AKAP6: variants seen among roughly 807,000 people sequenced by gnomAD.
AKAP6 encodes A-kinase anchor protein 6.
In AKAP6, 58 loss-of-function variants were observed where a neutral mutation model predicts 188.5. The ratio of observed to expected loss-of-function variants is 0.31; its 90% CI spans 0.25 to 0.38. AKAP6 has a LOEUF of 0.38. Ranked by LOEUF, AKAP6 falls within the 10% of genes least tolerant of loss-of-function variation. AKAP6 has a pLI of 1.00. For missense variants in AKAP6, 2,710 were observed against 2,740.0 expected (o/e 0.99, Z 0.24); for synonymous variants, 989 against 998.6 (o/e 0.99, Z 0.18).
chr14:32,702,134 G>A (rs1890643480), intron 9 of AKAP6, among the ~76,000 whole-genome samples: 1 of 152,098 alleles, frequency 6.6e-6, no homozygotes. Context: ...TTTCCTGGTA[G>A]ATTAATTGTA....
intron 1 of AKAP6, among the ~76,000 whole-genome samples, chr14:32,369,398 T>C (rs1244333034): frequency 6.6e-6 from 1 of 152,236 alleles, no homozygotes; most frequent in African/African-American, 2.4e-5. Context: ...CTTGTCCACA[T>C]CTCAATCAAC....
intron 4 of AKAP6, among the ~76,000 whole-genome samples, chr14:32,565,561 C>G (rs1884147705): frequency 6.6e-6 from 1 of 152,210 alleles, no homozygotes; most frequent in African/African-American, 2.4e-5. Flanking sequence ...TTTTAACTGG[C>G]TTCTCTGCTC....
chr14:32,766,066 A>G (rs550684474), intron 11 of AKAP6, among the ~76,000 whole-genome samples: 1 of 152,196 alleles, frequency 6.6e-6, no homozygotes, highest in African/African-American at 2.4e-5. Context: ...TTCTGTTTCT[A>G]TGTATTTGCC....
intron 2 of AKAP6, among the ~76,000 whole-genome samples, chr14:32,480,702 A>C (rs747164651): frequency 3.3e-4 from 50 of 152,142 alleles, no homozygotes; most frequent in Middle Eastern, 3.2e-3. Flanking sequence ...TTGGTATGTA[A>C]AGTGATGCAA....
chr14:32,632,051 AT>A (rs1403678358), intron 7 of AKAP6, among the ~76,000 whole-genome samples: 2 of 151,882 alleles, frequency 1.3e-5, no homozygotes, highest in African/African-American at 4.8e-5. Flanking sequence ...GCTTATAAAC[AT>A]TTTTTGGTGT....
chr14:32,625,789 T>G (rs1383625250), intron 7 of AKAP6, among the ~76,000 whole-genome samples: 8 of 152,170 alleles, frequency 5.3e-5, no homozygotes, highest in Non-Finnish European at 1.2e-4. Context: ...TTTCTCTTTC[T>G]GCTCCTGGCG....
At chr14:32,816,619 T>C (rs1483256370) in intron 12 of AKAP6, among the ~76,000 whole-genome samples, 1 of 152,172 alleles carries the variant, frequency 6.6e-6, no homozygotes, top group Non-Finnish European at 1.5e-5. Flanking sequence ...AAGCAGAGTA[T>C]AGAATGTTGG....
At chr14:32,651,499 A>G (rs1331529509) in intron 7 of AKAP6, among the ~76,000 whole-genome samples, 1 of 152,154 alleles carries the variant, frequency 6.6e-6, no homozygotes, top group Non-Finnish European at 1.5e-5. Context: ...CACAGTCTGG[A>G]AGCTGGGAAG....
intron 11 of AKAP6, among the ~76,000 whole-genome samples, chr14:32,746,553 A>G (rs776519397): frequency 5.3e-5 from 8 of 152,196 alleles, no homozygotes; most frequent in Non-Finnish European, 1.0e-4. Flanking sequence ...GATGCAAGAC[A>G]GTCAGAGTGG....
In AKAP6 at chr14:32,348,981, C is replaced by A. The variant is rs576410701; in HGVS notation, c.-35+19573C>A. Among the ~76,000 whole-genome samples, 4 of 152,296 alleles carry A rather than the reference C, an allele frequency of 2.6e-5. No homozygotes were observed. The South Asian group carries it at 8.3e-4, about 32-fold the overall frequency. ...GTGGGATTCCCGGCAGCCCCTCTAA[C>A]CAGACAGAGTGCTTGAGGTAGAGGC... On this transcript the variant is annotated intron_variant, in intron 1 of 13. Coordinates refer to ENST00000280979, the MANE Select transcript of AKAP6 (RefSeq NM_004274.5).
chr14:32,644,161 A>T (rs1033678), intron 7 of AKAP6, among the ~76,000 whole-genome samples: 98,433 of 152,030 alleles, frequency 0.65, 33,184 homozygotes, highest in East Asian at 0.94. Context: ...TTGGTGATCT[A>T]CTATTTGCCA....
chr14:32,510,473 T>C (rs1197099691), intron 2 of AKAP6, among the ~76,000 whole-genome samples: 1 of 128,278 alleles, frequency 7.8e-6, no homozygotes, highest in East Asian at 2.1e-4. Context: ...TATATATATA[T>C]ATACATATAT....
intron 7 of AKAP6, among the ~76,000 whole-genome samples, chr14:32,657,693 A>G (rs779963686): frequency 3.3e-5 from 5 of 151,602 alleles, no homozygotes; most frequent in Non-Finnish European, 7.4e-5. Flanking sequence ...CTGTGAGTGT[A>G]CATGTTTTTA....
intron 1 of AKAP6, among the ~76,000 whole-genome samples, chr14:32,330,426 A>T (rs1466860891): frequency 6.6e-6 from 1 of 152,064 alleles, no homozygotes; most frequent in Non-Finnish European, 1.5e-5. Context: ...AAGGAGCAGA[A>T]TGTTGCCTTT....
chr14:32,624,376 A>T (rs1886932181), intron 7 of AKAP6, among the ~76,000 whole-genome samples: 1 of 152,184 alleles, frequency 6.6e-6, no homozygotes, highest in South Asian at 2.1e-4. Flanking sequence ...AAAGAAATGA[A>T]AAATAAGGAG....
intron 4 of AKAP6, among the ~76,000 whole-genome samples, chr14:32,567,557 T>C (rs1282974399): frequency 6.6e-6 from 1 of 152,212 alleles, no homozygotes; most frequent in Non-Finnish European, 1.5e-5. Flanking sequence ...ATAATAACTT[T>C]ATTATTGCTG....
At chr14:32,626,658 T>A (rs1203222277) in intron 7 of AKAP6, among the ~76,000 whole-genome samples, 1 of 152,078 alleles carries the variant, frequency 6.6e-6, no homozygotes, top group Non-Finnish European at 1.5e-5. Flanking sequence ...GGTGCTCTTC[T>A]CTACTTTCTG....
intron 1 of AKAP6, among the ~76,000 whole-genome samples, chr14:32,376,232 C>A (rs1045191654): frequency 1.3e-5 from 2 of 152,230 alleles, no homozygotes; most frequent in Non-Finnish European, 2.9e-5. Context: ...GGGCACCCCC[C>A]ACTCCCTTAG....
intron 12 of AKAP6, among the ~76,000 whole-genome samples, chr14:32,815,366 A>G (rs1442064489): frequency 1.3e-5 from 2 of 152,226 alleles, no homozygotes; most frequent in Admixed American, 1.3e-4. Flanking sequence ...TCAATCTGAT[A>G]GATAGTGAGC....
Sources: allele counts gnomAD v4.1 joint callset (sites outside exome capture counted in the v4.1 genomes callset), GRCh38; gene constraint gnomAD v4.1.1; transcripts MANE v1.5; gene names NCBI Gene and HGNC (gene_info 2026-07-23, HGNC 2026-07-21).